PTPRA: variants seen among roughly 807,000 people sequenced by gnomAD.
The protein encoded by PTPRA is receptor-type tyrosine-protein phosphatase alpha.
PTPRA carries 25 observed loss-of-function variants against 104.8 expected under a neutral mutation model. The observed-to-expected ratio is 0.24, with a 90% confidence interval of 0.17 to 0.33. PTPRA has a LOEUF of 0.33. Among genes scored for constraint, PTPRA ranks in the 10% least tolerant of loss-of-function variants. The pLI is 1.00. For synonymous variants in PTPRA, 323 were observed against 368.9 expected, an observed-to-expected ratio of 0.88 and a Z score of 1.43; for missense variants, 765 against 1,015.3, an observed-to-expected ratio of 0.75 and a Z score of 3.35.
chr20:2,871,527 T>A (rs1393657520), upstream of PTPRA, among the ~76,000 whole-genome samples: 1 of 151,972 alleles, frequency 6.6e-6, no homozygotes, highest in Non-Finnish European at 1.5e-5. Flanking sequence ...AAAAAACTAA[T>A]CAACAAAAAG....
intron 3 of PTPRA, among the ~76,000 whole-genome samples, chr20:2,954,253 A>G (rs377301976): frequency 4.1e-4 from 61 of 150,114 alleles, no homozygotes; most frequent in African/African-American, 1.4e-3. Context: ...AATTTTTTGT[A>G]TTTTTAGTAG....
In PTPRA at chr20:3,022,995, G is replaced by A. The variant is rs1312034780; in HGVS notation, c.1464+171G>A. ...TACCGTGTCTATGTAGAAAAAGGAA[G>A]ACACGAGAAACTCCATTTTGTTCTG... On this transcript the variant is annotated intron_variant, in intron 16 of 23. Transcript: ENST00000399903. This position sits in a 1 kb window ranked among gnomAD's most constrained non-coding sequence, Gnocchi z 4.6. Among the ~76,000 whole-genome samples, 1 of 152,202 alleles carries A rather than the reference G, an allele frequency of 6.6e-6. No homozygotes were observed. The highest frequency in any genetic ancestry group is 2.4e-5 in the African/African-American group (1 of 41,438).
In PTPRA at chr20:2,965,172, G is replaced by T; in HGVS notation, c.385G>T (p.Ala129Ser). 1 of 1,613,864 alleles carries T rather than the reference G, an allele frequency of 6.2e-7. No homozygotes were observed. Among genetic ancestry groups the T allele is most frequent in the Non-Finnish European group, 8.5e-7 (1 of 1,179,800 alleles). Reference sequence around the variant, plus strand: ...CTGGGAGGGGAATTCCAGCACCGCAGCAACCACTCCAGAAACTTTCCCTCC... The same window carrying T: ...CTGGGAGGGGAATTCCAGCACCGCATCAACCACTCCAGAAACTTTCCCTCC... ...EPWEGNSSTA[A>S]TTPETFPPSG... Residue 129 changes from alanine to serine, a missense_variant, in exon 5 of 24, where the codon GCA (alanine) becomes TCA (serine). Around this residue, in one of 4 missense-constraint regions of PTPRA, gnomAD observed 256 missense variants for 248.9 expected, o/e 1.03. Coordinates refer to ENST00000399903, the MANE Select transcript of PTPRA (RefSeq NM_001385305.1).
intron 11 of PTPRA, among the ~76,000 whole-genome samples, chr20:3,008,728 TAAAAAAAAAAAAAAAACA>T (rs1287625717): frequency 9.4e-5 from 6 of 63,670 alleles, no homozygotes; most frequent in Admixed American, 1.8e-4. Context: ...TCATCTCTAC[TAAAAAAAAAAAAAAAACA>T]AAAAAAAAAA....
chr20:2,865,511 C>A, the PTPRA span: 1 of 1,609,286 alleles, frequency 6.2e-7, no homozygotes, highest in South Asian at 1.1e-5. This position sits in a 1 kb window ranked among gnomAD's most constrained non-coding sequence, Gnocchi z 5.2. Flanking sequence ...GCAGGGTCCT[C>A]CCTCCAGCCC....
At chr20:2,970,952 C>T (rs996099187) in intron 5 of PTPRA, among the ~76,000 whole-genome samples, 7 of 152,086 alleles carry the variant, frequency 4.6e-5, no homozygotes, top group African/African-American at 1.7e-4. Flanking sequence ...TTTGAAATGC[C>T]ACCTATCTTA....
chr20:2,910,609 A>T (rs935050731), intron 1 of PTPRA, among the ~76,000 whole-genome samples: 2,678 of 25,982 alleles, frequency 0.1, 14 homozygotes, highest in African/African-American at 0.15. Context: ...TGTTTTTTTT[A>T]ATTTTTTTTT....
the PTPRA span, chr20:2,865,229 C>A: frequency 1.2e-6 from 2 of 1,614,208 alleles, no homozygotes; most frequent in South Asian, 2.2e-5. This position sits in a 1 kb window ranked among gnomAD's most constrained non-coding sequence, Gnocchi z 5.2. Context: ...AGACCTGTCT[C>A]TACATGACAC....
upstream of PTPRA, among the ~76,000 whole-genome samples, chr20:2,869,091 T>C (rs115599728): frequency 1.5e-3 from 234 of 152,338 alleles, 1 homozygote; most frequent in African/African-American, 5.4e-3. Context: ...CAGTTTATTA[T>C]AAAAACTTTC....
intron 11 of PTPRA, among the ~76,000 whole-genome samples, chr20:3,007,669 A>G (rs939117534): frequency 6.6e-5 from 10 of 152,164 alleles, no homozygotes; most frequent in South Asian, 4.1e-4. Flanking sequence ...GTATTTTGTG[A>G]TAAGAGTCAG....
At chr20:3,010,727 G>T (rs1402499570) in intron 11 of PTPRA, among the ~76,000 whole-genome samples, 1 of 152,208 alleles carries the variant, frequency 6.6e-6, no homozygotes, top group East Asian at 1.9e-4. Flanking sequence ...AGGGAGCAAG[G>T]CTTTTCACGG....
Position 2,953,421 on chromosome 20 carries a change from T to A in PTPRA, c.-7+5397T>A, listed in dbSNP as rs570766206. Among the ~76,000 whole-genome samples, 463 of 151,658 alleles carry A rather than the reference T, an allele frequency of 3.1e-3. 2 individuals carry two copies. Among genetic ancestry groups the A allele is most frequent in the African/African-American group, 0.011 (444 of 41,358 alleles). On this transcript the variant is annotated intron_variant, in intron 3 of 23. Transcript: ENST00000399903. ...GGCGCGCGTTACCACGCCTGGCTAA[T>A]TTTTTGTATTTTTAGTAGAGGTGGG... is the stretch of plus-strand genomic sequence containing the variant.
intron 9 of PTPRA, among the ~76,000 whole-genome samples, chr20:2,993,575 C>G (rs555681565): frequency 6.6e-6 from 1 of 152,230 alleles, no homozygotes; most frequent in Non-Finnish European, 1.5e-5. Context: ...CACACACTTA[C>G]CCCTAGCAGT....
At chr20:2,939,706 T>TCAG (rs2060833988) in intron 2 of PTPRA, among the ~76,000 whole-genome samples, 1 of 152,212 alleles carries the variant, frequency 6.6e-6, no homozygotes, top group Non-Finnish European at 1.5e-5. Context: ...TCCTGTTGGG[T>TCAG]CAGTCCTCAT....
At position 3,021,405 on chromosome 20, in the gene PTPRA, G is replaced by A; in HGVS notation, c.1138G>A (p.Val380Ile). ...TGTGACTGTCCTGGTGGACTACACA[G>A]TACGGAAGTTCTGCATCCAGCAGGT... ...EDVTVLVDYT[V>I]RKFCIQQVGD... Residue 380 changes from valine to isoleucine, a missense_variant, in exon 14 of 24, where the codon GTA (valine) becomes ATA (isoleucine). By Grantham distance (29) the Val-to-Ile change is conservative (BLOSUM62 3). Transcript: ENST00000399903. 1.2e-6 allele frequency: 2 copies of A among 1,614,138 alleles called. No individual in the cohort carries two copies. Among genetic ancestry groups the A allele is most frequent in the Middle Eastern group, 1.6e-4 (1 of 6,062 alleles).
intron 20 of PTPRA, among the ~76,000 whole-genome samples, chr20:3,028,659 A>G (rs148729687): frequency 6.6e-6 from 1 of 152,186 alleles, no homozygotes; most frequent in Non-Finnish European, 1.5e-5. Flanking sequence ...GCGGTTCACT[A>G]TGTCTGGGGT....
At chr20:2,896,781 A>G (rs2059017441) in intron 1 of PTPRA, among the ~76,000 whole-genome samples, 1 of 152,206 alleles carries the variant, frequency 6.6e-6, no homozygotes, top group Non-Finnish European at 1.5e-5. Context: ...AAATTCCCTC[A>G]AGAAAACAAA....
At chr20:3,000,993 T>C (rs1171298330) in intron 9 of PTPRA, among the ~76,000 whole-genome samples, 2 of 152,142 alleles carry the variant, frequency 1.3e-5, no homozygotes, top group African/African-American at 4.8e-5. Context: ...TCAACAAATG[T>C]GAAAAAAAAA....
chr20:2,880,539 CTAA>C (rs2089988402), intron 1 of PTPRA, among the ~76,000 whole-genome samples: 1 of 152,154 alleles, frequency 6.6e-6, no homozygotes, highest in South Asian at 2.1e-4. Flanking sequence ...AAAGAAAATA[CTAA>C]TAATACAAGC....
Sources: gnomAD v4.1 joint callset for allele counts (sites outside exome capture counted in the v4.1 genomes callset) on GRCh38, gnomAD v4.1.1 for gene constraint, gnomAD v4.1.1 regional missense constraint, Gnocchi (gnomAD v3.1) non-coding constraint, MANE v1.5 for transcripts, NCBI Gene and HGNC (gene_info 2026-07-23, HGNC 2026-07-21) for gene names.